Variants in KCNC2 observed in about 807,000 individuals in gnomAD.
The protein encoded by KCNC2 is potassium voltage-gated channel subfamily C member 2.
Under a neutral mutation model 44.5 loss-of-function variants are expected in KCNC2, and 21 were observed. The ratio of observed to expected loss-of-function variants is 0.47; its 90% CI spans 0.33 to 0.68. KCNC2 has a LOEUF of 0.68. Among genes scored for constraint, KCNC2 ranks in the 30% least tolerant of loss-of-function variants. KCNC2 has a pLI of 0.01. For synonymous variants in KCNC2, 391 were observed against 339.1 expected (o/e 1.15, Z -1.68); for missense variants, 589 against 826.2 (o/e 0.71, Z 3.52).
chr12:75,179,761 A>T (rs200375416), intron 2 of KCNC2, among the ~76,000 whole-genome samples: 1 of 84,640 alleles, frequency 1.2e-5, no homozygotes, highest in Non-Finnish European at 2.9e-5. Flanking sequence ...CTTTTATAAA[A>T]ACTATAAAAG....
Position 75,041,582 on chromosome 12 carries a change from C to T in KCNC2, c.*1523G>A, listed in dbSNP as rs1392355714. 29 of 1,057,062 alleles carry T rather than the reference C, an allele frequency of 2.7e-5. No homozygotes were observed. Among genetic ancestry groups the T allele is most frequent in the African/African-American group, 8.3e-5 (5 of 60,032 alleles). 65.5% of individuals were successfully genotyped at this position (1,057,062 alleles called of 1,614,324 possible). ...CCTCACATGCTCAATACATGAGACA[C>T]GCTATTGCTGTTGAATTCATAGGAA... On this transcript the variant is annotated 3_prime_UTR_variant, in exon 5 of 5. Coordinates refer to ENST00000549446, the MANE Select transcript of KCNC2 (RefSeq NM_139137.4).
intron 2 of KCNC2, among the ~76,000 whole-genome samples, chr12:75,202,437 G>A (rs1010531662): frequency 4.0e-5 from 6 of 151,746 alleles, no homozygotes; most frequent in African/African-American, 1.2e-4. Flanking sequence ...CCCTGAAAAG[G>A]TCAAAAGACA....
chr12:75,172,609 C>T (rs1891910008), intron 2 of KCNC2, among the ~76,000 whole-genome samples: 1 of 151,840 alleles, frequency 6.6e-6, no homozygotes, highest in Admixed American at 6.6e-5. Context: ...ACTGATAAGT[C>T]AATTCATCAA....
chr12:75,040,392 T>A lies in KCNC2; in HGVS notation c.*2713A>T, dbSNP rs572423244. On this transcript the variant is annotated 3_prime_UTR_variant, in exon 5 of 5. Coordinates refer to ENST00000549446, the MANE Select transcript of KCNC2 (RefSeq NM_139137.4). ...CAAAACTCACAAAAAAGTAATTGATTAAAGAATATCTCTTTTATGCAAAAT... is the reference window on the plus strand; with the variant it reads ...CAAAACTCACAAAAAAGTAATTGATAAAAGAATATCTCTTTTATGCAAAAT... 6.6e-6 allele frequency: 1 copy of A among 152,506 alleles called. No individual in the cohort carries two copies. The highest frequency in any genetic ancestry group is 2.1e-4 in the South Asian group (1 of 4,828). The allele number at this position is 152,506 out of a possible 1,614,324, so 9.4% of individuals were successfully genotyped here. A position where few individuals can be genotyped will look rare whatever the true frequency, so the allele number is the denominator to read the frequency against.
At chr12:75,157,904 C>T (rs1890869174) in intron 2 of KCNC2, among the ~76,000 whole-genome samples, 1 of 151,802 alleles carries the variant, frequency 6.6e-6, no homozygotes, top group African/African-American at 2.4e-5. Flanking sequence ...TCATCCATTC[C>T]TCTGAAAACA....
intron 2 of KCNC2, among the ~76,000 whole-genome samples, chr12:75,144,039 T>TA (rs1889843671): frequency 6.6e-6 from 1 of 152,194 alleles, no homozygotes; most frequent in African/African-American, 2.4e-5. Flanking sequence ...ACATCCATTT[T>TA]TATATGACTG....
intron 2 of KCNC2, among the ~76,000 whole-genome samples, chr12:75,151,417 T>C (rs768097469): frequency 7.9e-5 from 12 of 151,974 alleles, no homozygotes; most frequent in Admixed American, 1.3e-4. Context: ...GCCAGTTGTC[T>C]GGCAAAGAAA....
intron 2 of KCNC2, among the ~76,000 whole-genome samples, chr12:75,154,197 G>A (rs1184498786): frequency 1.3e-5 from 2 of 151,970 alleles, no homozygotes; most frequent in East Asian, 3.9e-4. Flanking sequence ...ATGACCCCTA[G>A]GGGGTCCCTC....
At chr12:75,061,806 G>T (rs1882370918) in intron 2 of KCNC2, among the ~76,000 whole-genome samples, 1 of 151,954 alleles carries the variant, frequency 6.6e-6, no homozygotes, top group Non-Finnish European at 1.5e-5. Context: ...ATAACTACAT[G>T]ATTTTTACAA....
rs140742329 is a variant in KCNC2 at position 75,171,611 on chromosome 12, G to A, written c.687+35686C>T. Among the ~76,000 whole-genome samples, 13 of 151,942 alleles carry A rather than the reference G, an allele frequency of 8.6e-5. No individual in the cohort carries two copies. In the East Asian group the frequency reaches 2.5e-3, roughly 30 times the overall value. On this transcript the variant is annotated intron_variant, in intron 2 of 4. Transcript: ENST00000549446. ...TCTTGAAGGTAGTGAGTAGAATGGT[G>A]GATATCAGAGGCTAGTGGGGAGGGA...
intron 2 of KCNC2, among the ~76,000 whole-genome samples, chr12:75,190,023 A>G (rs529428077): frequency 6.6e-6 from 1 of 152,160 alleles, no homozygotes; most frequent in Non-Finnish European, 1.5e-5. Flanking sequence ...TTGATATAGT[A>G]ATAGCTATGA....
intron 2 of KCNC2, among the ~76,000 whole-genome samples, chr12:75,167,061 G>T (rs1208309592): frequency 1.3e-5 from 2 of 151,052 alleles, no homozygotes; most frequent in Admixed American, 1.3e-4. Context: ...AGAAAAGAAA[G>T]GAAGGAGACT....
intron 2 of KCNC2, among the ~76,000 whole-genome samples, chr12:75,138,741 G>A (rs1171395539): frequency 6.6e-6 from 1 of 152,084 alleles, no homozygotes; most frequent in Non-Finnish European, 1.5e-5. Flanking sequence ...AGCACTGTGG[G>A]AGGCCGAGGC....
chr12:75,186,516 T>TA (rs5799214), intron 2 of KCNC2, among the ~76,000 whole-genome samples: 1 of 152,054 alleles, frequency 6.6e-6, no homozygotes, highest in Admixed American at 6.5e-5. Flanking sequence ...CCTTCTGTTG[T>TA]AAAAAAAGGT....
chr12:75,048,031 G>T, intron 4 of KCNC2, 122 bp downstream of exon 4: 1 of 815,078 alleles, frequency 1.2e-6, no homozygotes. Context: ...ATGAAGAGAG[G>T]AAAAGAGCAC....
At chr12:75,142,886 G>GACACCACCTGTT (rs1889754953) in intron 2 of KCNC2, among the ~76,000 whole-genome samples, 2 of 152,132 alleles carry the variant, frequency 1.3e-5, no homozygotes, top group Non-Finnish European at 2.9e-5. Context: ...CCAAAGCAAG[G>GACACCACCTGTT]GAACACAGAC....
chr12:75,118,770 G>C (rs554359473), intron 2 of KCNC2, among the ~76,000 whole-genome samples: 1 of 152,164 alleles, frequency 6.6e-6, no homozygotes, highest in Non-Finnish European at 1.5e-5. Flanking sequence ...CAGAAAAATC[G>C]GTTAAGGATT....
intron 2 of KCNC2, among the ~76,000 whole-genome samples, chr12:75,100,514 T>C (rs548833712): frequency 1.4e-4 from 21 of 151,960 alleles, no homozygotes; most frequent in Non-Finnish European, 3.1e-4. Flanking sequence ...TGACATTGAA[T>C]TTAAATTATA....
chr12:75,090,086 G>A (rs1885344385), intron 2 of KCNC2, among the ~76,000 whole-genome samples: 1 of 151,582 alleles, frequency 6.6e-6, no homozygotes, highest in African/African-American at 2.4e-5. Context: ...CAATTGATTT[G>A]GGGGTGCTCC....
Sources: allele counts gnomAD v4.1 joint callset (sites outside exome capture counted in the v4.1 genomes callset), GRCh38; gene constraint gnomAD v4.1.1; transcripts MANE v1.5; gene names NCBI Gene and HGNC (gene_info 2026-07-23, HGNC 2026-07-21).